MRPS6: variants seen among roughly 807,000 people sequenced by gnomAD.
The protein encoded by MRPS6 is mitochondrial ribosomal protein S6.
MRPS6 carries 6 observed loss-of-function variants against 13.1 expected under a neutral mutation model. The ratio of observed to expected loss-of-function variants is 0.46; its 90% CI spans 0.25 to 0.91. The LOEUF (loss-of-function observed/expected upper bound fraction) is 0.91, where lower values mean the gene tolerates loss of function less well. MRPS6 is among the 40% of genes least tolerant of loss of function. The probability of loss-of-function intolerance (pLI) is 0.18; values close to 1 mark genes in which losing one functional copy is unlikely to be tolerated. For synonymous variants in MRPS6, 61 were observed against 56.5 expected (o/e 1.08, Z -0.36); for missense variants, 164 against 155.6 (o/e 1.05, Z -0.29).
rs62212081 is a variant in MRPS6 at position 34,089,535 on chromosome 21, G to T, written c.45+15790G>T. 6.8e-3 allele frequency among the ~76,000 whole-genome samples: 1,029 copies of T among 152,244 alleles called. 8 individuals carry two copies. The highest frequency in any genetic ancestry group is 0.02 in the Middle Eastern group (6 of 294). ...CTTATTGGTAGAATCAGGTTAAAAT[G>T]AATATATCTTGGGCGGAGTGTATAT... On this transcript the variant is annotated intron_variant, in intron 1 of 2. Coordinates refer to ENST00000399312, the MANE Select transcript of MRPS6 (RefSeq NM_032476.4).
intron 2 of MRPS6, among the ~76,000 whole-genome samples, chr21:34,134,175 G>A (rs1980605509): frequency 6.6e-6 from 1 of 152,212 alleles, no homozygotes; most frequent in African/African-American, 2.4e-5. Context: ...TAATTCATAA[G>A]TTGGGTCATT....
chr21:34,101,745 A>G lies in MRPS6; in HGVS notation c.46-23596A>G, dbSNP rs373386842. ...ATCCAAATAATGACTCATTAAATAT[A>G]ATTATGTTTTAAGTATACTGAATTT... On this transcript the variant is annotated intron_variant, in intron 1 of 2. Transcript: ENST00000399312. The G allele has an allele frequency of 2.7e-5, 27 of 992,792 alleles. No homozygotes were observed. The African/African-American group carries it at 3.3e-4, about 12-fold the overall frequency. The allele number at this position is 992,792 out of a possible 1,614,324, so 61.5% of individuals were successfully genotyped here.
At chr21:34,080,736 GTCTT>G (rs1367006733) in intron 1 of MRPS6, among the ~76,000 whole-genome samples, 1 of 152,192 alleles carries the variant, frequency 6.6e-6, no homozygotes, top group Non-Finnish European at 1.5e-5. Flanking sequence ...TGAGAGCTGA[GTCTT>G]TCATGTTTGT....
In MRPS6 at chr21:34,097,992, C is replaced by CTT. The variant is rs201745004; in HGVS notation, c.45+24257_45+24258dup. On this transcript the variant is annotated intron_variant, in intron 1 of 2. Transcript: ENST00000399312. Reference sequence around the variant, plus strand: ...TTAGGGAAAAACTTTGTTCCAGTTCCTTTTTTTTTTTCTTTCTACTTTCAA... The same window carrying CTT: ...TTAGGGAAAAACTTTGTTCCAGTTCCTTTTTTTTTTTTTCTTTCTACTTTCAA... The CTT allele has an allele frequency of 4.5e-5, 34 of 753,170 alleles. No individual in the cohort carries two copies. The South Asian group carries it at 7.0e-4, about 15-fold the overall frequency. 46.7% of individuals were successfully genotyped at this position (753,170 alleles called of 1,614,324 possible).
At chr21:34,079,346 A>G (rs1341300547) in intron 1 of MRPS6, among the ~76,000 whole-genome samples, 2 of 152,140 alleles carry the variant, frequency 1.3e-5, no homozygotes, top group African/African-American at 2.4e-5. Context: ...CCTGATTTAG[A>G]GTATATAGAC....
intron 1 of MRPS6, among the ~76,000 whole-genome samples, chr21:34,093,836 A>C (rs886832361): frequency 2.6e-5 from 4 of 152,222 alleles, no homozygotes; most frequent in Admixed American, 6.5e-5. Context: ...ATCTTAATCC[A>C]GAACTGAAAA....
chr21:34,080,245 T>C (rs1989428898), intron 1 of MRPS6, among the ~76,000 whole-genome samples: 2 of 152,196 alleles, frequency 1.3e-5, no homozygotes, highest in African/African-American at 4.8e-5. Flanking sequence ...CCATACTAAT[T>C]GATTGTATCA....
intron 1 of MRPS6, among the ~76,000 whole-genome samples, chr21:34,110,726 G>T (rs577479872): frequency 3.3e-5 from 5 of 152,198 alleles, no homozygotes; most frequent in Non-Finnish European, 1.5e-5. Flanking sequence ...TGTCATTTTT[G>T]TCAATACGTG....
chr21:34,140,795 GTC>G (rs1176322009), intron 2 of MRPS6, among the ~76,000 whole-genome samples: 1 of 148,680 alleles, frequency 6.7e-6, no homozygotes, highest in Non-Finnish European at 1.5e-5. Context: ...ATTATGTATT[GTC>G]TCTTTTTATT....
chr21:34,133,084 A>T (rs542023275), intron 2 of MRPS6, among the ~76,000 whole-genome samples: 1 of 152,228 alleles, frequency 6.6e-6, no homozygotes, highest in East Asian at 1.9e-4. Flanking sequence ...CCCTTTCCTC[A>T]ATTGCCACAC....
At chr21:34,108,925 C>G (rs899944409) in intron 1 of MRPS6, among the ~76,000 whole-genome samples, 1 of 152,144 alleles carries the variant, frequency 6.6e-6, no homozygotes, top group Non-Finnish European at 1.5e-5. Flanking sequence ...TGTGATTCTC[C>G]CTGCTCTCTC....
At chr21:34,090,843 C>T (rs944206016) in intron 1 of MRPS6, among the ~76,000 whole-genome samples, 3 of 152,280 alleles carry the variant, frequency 2.0e-5, no homozygotes, top group Admixed American at 2.0e-4. Context: ...AGCATGGAAC[C>T]CAGCCCTTAA....
At chr21:34,077,296 T>C (rs1193982572) in intron 1 of MRPS6, among the ~76,000 whole-genome samples, 1 of 152,254 alleles carries the variant, frequency 6.6e-6, no homozygotes, top group Non-Finnish European at 1.5e-5. Context: ...AGACACTTTT[T>C]ATGCCTTGGG....
At position 34,075,484 on chromosome 21, in the gene MRPS6, C is replaced by A. The variant is rs550990687; in HGVS notation, c.45+1739C>A. On this transcript the variant is annotated intron_variant, in intron 1 of 2. Coordinates refer to ENST00000399312, the MANE Select transcript of MRPS6 (RefSeq NM_032476.4). ...TTCACTCTAGTTCAGATCAACAGAG[C>A]GTAATTTGGTTAAAATAATAAATAA... Among the ~76,000 whole-genome samples, 6 of 151,946 alleles carry A rather than the reference C, an allele frequency of 3.9e-5. No homozygotes were observed. In the South Asian group the frequency reaches 1.2e-3, roughly 32 times the overall value.
At chr21:34,120,158 T>A (rs1460568939) in intron 1 of MRPS6, among the ~76,000 whole-genome samples, 1 of 152,206 alleles carries the variant, frequency 6.6e-6, no homozygotes, top group Non-Finnish European at 1.5e-5. Context: ...CAAAACTGGC[T>A]TCACTGCAGA....
intron 2 of MRPS6, chr21:34,136,029 C>A: frequency 3.6e-6 from 1 of 276,636 alleles, no homozygotes; most frequent in South Asian, 5.1e-5. Context: ...AGCTTGGTGT[C>A]AGGGGTCTCT....
chr21:34,137,386 A>T (rs1980744176), intron 2 of MRPS6, among the ~76,000 whole-genome samples: 1 of 152,176 alleles, frequency 6.6e-6, no homozygotes, highest in African/African-American at 2.4e-5. Flanking sequence ...ATTTCTCTGC[A>T]AGTATTGAAT....
intron 1 of MRPS6, among the ~76,000 whole-genome samples, chr21:34,109,403 T>A (rs1460531049): frequency 6.6e-6 from 1 of 152,204 alleles, no homozygotes; most frequent in African/African-American, 2.4e-5. Flanking sequence ...CAAAGAAAGT[T>A]TTGAGTTTTA....
intron 1 of MRPS6, among the ~76,000 whole-genome samples, chr21:34,108,767 C>T (rs1416820939): frequency 2.0e-5 from 3 of 152,196 alleles, no homozygotes; most frequent in African/African-American, 7.2e-5. Context: ...CACTTTCCTT[C>T]AGAAATTTGA....
Sources: gnomAD v4.1 joint callset for allele counts (sites outside exome capture counted in the v4.1 genomes callset) on GRCh38, gnomAD v4.1.1 for gene constraint, MANE v1.5 for transcripts, NCBI Gene and HGNC (gene_info 2026-07-23, HGNC 2026-07-21) for gene names.